MYO1B: variants seen among roughly 807,000 people sequenced by gnomAD.
MYO1B encodes unconventional myosin-Ib.
MYO1B carries 72 observed loss-of-function variants against 159.7 expected under a neutral mutation model. The ratio of observed to expected loss-of-function variants is 0.45; its 90% confidence interval spans 0.37 to 0.55. The LOEUF (loss-of-function observed/expected upper bound fraction) is 0.55. MYO1B is among the 20% of genes least tolerant of loss of function. The probability of loss-of-function intolerance (pLI) is 0.00; values close to 1 mark genes in which losing one functional copy is unlikely to be tolerated. For synonymous variants in MYO1B, 468 were observed against 473.8 expected, an observed-to-expected ratio of 0.99 and a Z score of 0.16; for missense variants, 1,062 against 1,364.8, an observed-to-expected ratio of 0.78 and a Z score of 3.50.
rs1697908828 is a variant in MYO1B, at chr2:191,421,112, T to A, written c.3288-2725T>A. On this transcript the variant is annotated intron_variant, in intron 30 of 30. Coordinates refer to ENST00000392318, the MANE Select transcript of MYO1B (RefSeq NM_001130158.3). ...TGAGACAGAGTCTTGCTCTGTCGCC[T>A]AGGCTCGAGTGCAGTGGCGAGATCT... is the stretch of plus-strand genomic sequence containing the variant. 2.0e-5 allele frequency among the ~76,000 whole-genome samples: 3 copies of A among 149,800 alleles called. No individual in the cohort carries two copies. In the South Asian group the frequency reaches 6.4e-4, roughly 32 times the overall value.
chr2:191,350,682 G>A (rs1488465615), intron 7 of MYO1B, among the ~76,000 whole-genome samples: 1 of 151,868 alleles, frequency 6.6e-6, no homozygotes, highest in Admixed American at 6.6e-5. Flanking sequence ...TTTGAGAAAT[G>A]TTGCTTCTCT....
At chr2:191,364,389 C>T (rs189388371) in intron 11 of MYO1B, 113 bp downstream of exon 11, 1 of 819,104 alleles carries the variant, frequency 1.2e-6, no homozygotes, top group East Asian at 2.6e-5. Flanking sequence ...GTACTATGTT[C>T]TAGGCATTGG....
At chr2:191,253,973 C>T (rs960129073) in intron 1 of MYO1B, among the ~76,000 whole-genome samples, 1 of 152,072 alleles carries the variant, frequency 6.6e-6, no homozygotes, top group African/African-American at 2.4e-5. Flanking sequence ...TAGATTTGTG[C>T]CAAGGTGCTT....
rs201993152 is a variant in MYO1B at position 191,360,814 on chromosome 2, C to T, written c.661+85C>T. 3 of 927,048 alleles carry T rather than the reference C, an allele frequency of 3.2e-6. No homozygotes were observed. In the East Asian group the frequency reaches 7.5e-5, roughly 23 times the overall value. 57.4% of individuals were successfully genotyped at this position (927,048 alleles called of 1,614,324 possible). ...GGAGCTGGGAGTCTCACTGTGTTGC[C>T]CAGGCCGGTCTCTAATTCCTGAGCT... On this transcript the variant is annotated intron_variant, in intron 8 of 30. Transcript: ENST00000392318.
chr2:191,368,834 C>T (rs921815516), intron 11 of MYO1B, among the ~76,000 whole-genome samples: 3 of 152,088 alleles, frequency 2.0e-5, no homozygotes, highest in South Asian at 2.1e-4. Flanking sequence ...ATTAGCCACG[C>T]GTGGTGGCAC....
Position 191,245,462 on chromosome 2 carries a change from C to T in MYO1B, c.-174C>T, listed in dbSNP as rs1162140167. 3.3e-5 allele frequency: 5 copies of T among 152,040 alleles called. No homozygotes were observed. Among genetic ancestry groups the T allele is most frequent in the Admixed American group, 6.6e-5 (1 of 15,260 alleles). The allele number at this position is 152,040 out of a possible 1,614,324, so 9.4% of individuals were successfully genotyped here. A position where few individuals can be genotyped will look rare whatever the true frequency, so the allele number is the denominator to read the frequency against. ...CAACCGCGGCGCGTGGAGGCAGTAC[C>T]AGAGCGCGCGGCGCGCAGTCGGCCG... On this transcript the variant is annotated 5_prime_UTR_variant, in exon 1 of 31. Transcript: ENST00000392318.
intron 1 of MYO1B, among the ~76,000 whole-genome samples, chr2:191,270,691 T>C (rs1687404334): frequency 6.6e-6 from 1 of 152,216 alleles, no homozygotes. Flanking sequence ...TGGCTCCTCT[T>C]TTGCCTTTGT....
At chr2:191,322,475 GA>G (rs1302451829) in intron 3 of MYO1B, among the ~76,000 whole-genome samples, 1 of 152,112 alleles carries the variant, frequency 6.6e-6, no homozygotes. Context: ...CCAATAGAAG[GA>G]AAGGTGCTTA....
intron 5 of MYO1B, among the ~76,000 whole-genome samples, chr2:191,344,551 C>T (rs1309248234): frequency 1.3e-5 from 2 of 152,144 alleles, no homozygotes; most frequent in African/African-American, 4.8e-5. Context: ...AAAAACACAG[C>T]CGGGCGTGGT....
chr2:191,352,060 AATG>A (rs1692959319), intron 7 of MYO1B, among the ~76,000 whole-genome samples: 1 of 152,220 alleles, frequency 6.6e-6, no homozygotes, highest in Admixed American at 6.5e-5. Flanking sequence ...ACCTAAGTTA[AATG>A]ATTTCATACA....
At chr2:191,364,421 A>G (rs1693866866) in intron 11 of MYO1B, 145 bp downstream of exon 11, 1 of 643,812 alleles carries the variant, frequency 1.6e-6, no homozygotes, top group Non-Finnish European at 2.7e-6. Context: ...TAAACTAAAC[A>G]GATAAGGATC....
At chr2:191,400,570 T>C in intron 22 of MYO1B, 102 bp downstream of exon 22, 1 of 1,414,022 alleles carries the variant, frequency 7.1e-7, no homozygotes, top group Non-Finnish European at 1.0e-6. Context: ...TGGCTTGAGC[T>C]ACTGAGCACG....
At chr2:191,313,675 C>T (rs1489964901) in intron 3 of MYO1B, among the ~76,000 whole-genome samples, 6 of 151,836 alleles carry the variant, frequency 4.0e-5, no homozygotes, top group East Asian at 1.9e-4. Context: ...TGAGCCACTG[C>T]GCCCAGCAAT....
At chr2:191,285,231 G>A (rs1048295385) in intron 2 of MYO1B, among the ~76,000 whole-genome samples, 1 of 152,190 alleles carries the variant, frequency 6.6e-6, no homozygotes, top group Non-Finnish European at 1.5e-5. Context: ...ACGAAGATAT[G>A]GCAGTATTGT....
intron 29 of MYO1B, among the ~76,000 whole-genome samples, chr2:191,415,603 TG>T (rs1439706327): frequency 1.3e-5 from 2 of 149,444 alleles, no homozygotes; most frequent in Non-Finnish European, 2.9e-5. Context: ...TGTTTTGTTT[TG>T]TTTTTTTTTT....
At chr2:191,250,762 G>T (rs967259248) in intron 1 of MYO1B, among the ~76,000 whole-genome samples, 1 of 152,178 alleles carries the variant, frequency 6.6e-6, no homozygotes, top group East Asian at 1.9e-4. Flanking sequence ...CTAGCCCAGA[G>T]GTCAAGCCTC....
chr2:191,312,270 G>A (rs1690049867), intron 3 of MYO1B, among the ~76,000 whole-genome samples: 1 of 152,094 alleles, frequency 6.6e-6, no homozygotes, highest in Admixed American at 6.5e-5. Context: ...GTGGCCTACT[G>A]TTTCTGAAAT....
chr2:191,335,278 A>C (rs1008678158), intron 4 of MYO1B, among the ~76,000 whole-genome samples: 3 of 152,188 alleles, frequency 2.0e-5, no homozygotes, highest in African/African-American at 7.2e-5. Context: ...CACTGTAGAC[A>C]TACAGTGGTT....
Position 191,416,323 on chromosome 2 carries a change from T to C in MYO1B, c.3287+81T>C, listed in dbSNP as rs756200470. ...TTCAGCTCTCGATCTCATTCATTAATACAACTACTTATTAAGTACCAGGTA... is the reference window on the plus strand; with the variant it reads ...TTCAGCTCTCGATCTCATTCATTAACACAACTACTTATTAAGTACCAGGTA... On this transcript the variant is annotated intron_variant, in intron 30 of 30. Transcript: ENST00000392318. The C allele has an allele frequency of 2.1e-5, 32 of 1,503,684 alleles. No homozygotes were observed. The African/African-American group carries it at 3.7e-4, about 18-fold the overall frequency. 93.1% of individuals were successfully genotyped at this position (1,503,684 alleles called of 1,614,324 possible).
Sources: gnomAD v4.1 joint callset for allele counts (sites outside exome capture counted in the v4.1 genomes callset) on GRCh38, gnomAD v4.1.1 for gene constraint, MANE v1.5 for transcripts, NCBI Gene and HGNC (gene_info 2026-07-23, HGNC 2026-07-21) for gene names.